The following CAPN14 variants were observed in gnomAD, a reference collection of about 807,000 sequenced individuals.
CAPN14 encodes the protein calpain-14.
Under a neutral mutation model 101.3 loss-of-function variants are expected in CAPN14, and 94 were observed. That is an observed-to-expected ratio of 0.93 (90% CI 0.79 to 1.10). CAPN14 has a LOEUF of 1.10. CAPN14 is among the 50% of genes least tolerant of loss of function. The pLI, the probability that CAPN14 is intolerant of heterozygous loss-of-function variation, is 0.00. For synonymous variants in CAPN14, 338 were observed against 317.9 expected (o/e 1.06, Z -0.67); for missense variants, 837 against 828.4 (o/e 1.01, Z -0.13).
upstream of CAPN14, among the ~76,000 whole-genome samples, chr2:31,221,771 T>C (rs1444469688): frequency 2.0e-5 from 3 of 152,110 alleles, no homozygotes; most frequent in African/African-American, 4.8e-5. Context: ...TGGTGGTAAA[T>C]AAACCATGAC....
chr2:31,178,566 C>A lies in CAPN14; in HGVS notation c.1724G>T (p.Gly575Val), dbSNP rs1324687675. The A allele has an allele frequency of 6.5e-7, 1 of 1,544,184 alleles. No homozygotes were observed. The highest frequency in any genetic ancestry group is 2.5e-5 in the East Asian group (1 of 40,790). ...CCTGAATTCCTGGATGCTCATAGTA[C>A]CTGATGCATTAAGCTGATTAATAGG... ...ILALLDLNAS[G>V]TMSIQEFRDL... Residue 575 changes from glycine (G) to valine (V), a missense_variant, in exon 18 of 22, where the codon GGT becomes GTT. Coordinates refer to ENST00000403897, the MANE Select transcript of CAPN14 (RefSeq NM_001145122.2).
chr2:31,199,621 G>A, intron 6 of CAPN14, 89 bp from the exon 7 acceptor site: 5 of 1,037,562 alleles, frequency 4.8e-6, no homozygotes, highest in Non-Finnish European at 7.2e-6. Context: ...TGGAGCAGGG[G>A]TTTATGGAGA....
chr2:31,176,028 T>C lies in CAPN14; in HGVS notation c.2028+559A>G, dbSNP rs142296723. ...ACATCCTGCTGTGTCTGCAAAGTGA[T>C]ATTAAAGAGGAGGAAATGGGCTTGG... On this transcript the variant is annotated intron_variant, in intron 21 of 21. Coordinates refer to ENST00000403897, the MANE Select transcript of CAPN14 (RefSeq NM_001145122.2). 5.3e-3 allele frequency among the ~76,000 whole-genome samples: 800 copies of C among 152,260 alleles called. 11 individuals carry two copies. Among genetic ancestry groups the C allele is most frequent in the African/African-American group, 0.018 (763 of 41,538 alleles).
At chr2:31,206,295 A>G (rs926620788) in intron 1 of CAPN14, among the ~76,000 whole-genome samples, 3 of 152,138 alleles carry the variant, frequency 2.0e-5, no homozygotes, top group African/African-American at 7.2e-5. Flanking sequence ...AGGCTCCAGC[A>G]CAGGGTGCGT....
Position 31,174,497 on chromosome 2 carries a change from T to C in CAPN14, c.*184A>G. On this transcript the variant is annotated 3_prime_UTR_variant, in exon 22 of 22. Coordinates refer to ENST00000403897, the MANE Select transcript of CAPN14 (RefSeq NM_001145122.2). ...TGTAATCTTTACTTCCTCCCTTCCC[T>C]TTCTGCATGCTGGCCATGCACGGGG... 1 of 629,462 alleles carries C rather than the reference T, an allele frequency of 1.6e-6. No individual in the cohort carries two copies. The highest frequency in any genetic ancestry group is 2.7e-5 in the East Asian group (1 of 36,452). 39.0% of individuals were successfully genotyped at this position (629,462 alleles called of 1,614,324 possible).
At position 31,189,651 on chromosome 2, in the gene CAPN14, G is replaced by A. The variant is rs142654076; in HGVS notation, c.1288-173C>T. The A allele has an allele frequency of 8.6e-4, 600 of 696,826 alleles. 8 individuals are homozygous for A. In the East Asian group the frequency reaches 0.016, roughly 18 times the overall value. 43.2% of individuals were successfully genotyped at this position (696,826 alleles called of 1,614,324 possible). On this transcript the variant is annotated intron_variant, in intron 12 of 21. Transcript: ENST00000403897. ...GAGGAAAGGAAAAACCAGAATATGT[G>A]TGTGGAGGGCTGCACCTTTGCTGGA...
chr2:31,202,869 C>T (rs542353349), intron 3 of CAPN14, among the ~76,000 whole-genome samples: 9 of 152,304 alleles, frequency 5.9e-5, no homozygotes, highest in Non-Finnish European at 1.2e-4. Context: ...GGCATTCCCA[C>T]GCATCCCCAG....
At position 31,232,031 on chromosome 2, in the gene CAPN14, A is replaced by T. The variant is rs556697170; in HGVS notation, c.-177+1760T>A. Among the ~76,000 whole-genome samples, 5 of 152,276 alleles carry T rather than the reference A, an allele frequency of 3.3e-5. No homozygotes were observed. The South Asian group carries it at 8.3e-4, about 25-fold the overall frequency. On this transcript the variant is annotated intron_variant and NMD_transcript_variant, in intron 1 of 21. Transcript: ENST00000398824. ...TGGGGTTCAAGGAGGGAGTCGGGAG[A>T]TCTGAGATGTAACTAAGGAGATTCT...
chr2:31,220,606 C>T (rs1002474448), upstream of CAPN14, among the ~76,000 whole-genome samples: 2 of 152,166 alleles, frequency 1.3e-5, no homozygotes, highest in East Asian at 1.9e-4. Flanking sequence ...AGGCGGATCA[C>T]GAGGTCAGGA....
At chr2:31,206,639 T>C (rs1682114181) in intron 1 of CAPN14, among the ~76,000 whole-genome samples, 1 of 152,156 alleles carries the variant, frequency 6.6e-6, no homozygotes, top group Non-Finnish European at 1.5e-5. Context: ...ACACACATAT[T>C]GTGCCAAATA....
upstream of CAPN14, among the ~76,000 whole-genome samples, chr2:31,220,158 T>A (rs1299918556): frequency 1.3e-5 from 2 of 152,114 alleles, no homozygotes; most frequent in African/African-American, 4.8e-5. Context: ...TCCAAATGAA[T>A]CCCTGATTGT....
At chr2:31,199,449 G>C (rs939211627) in intron 7 of CAPN14, 21 bp downstream of exon 7, 2 of 1,549,650 alleles carry the variant, frequency 1.3e-6, no homozygotes, top group Middle Eastern at 1.7e-4. Context: ...GAGGGAAACC[G>C]AAGGGCCAAC....
At chr2:31,200,326 C>T in intron 6 of CAPN14, 125 bp downstream of exon 6, 1 of 843,282 alleles carries the variant, frequency 1.2e-6, no homozygotes, top group South Asian at 2.0e-5. Flanking sequence ...GTTTGAACAC[C>T]AGGACCTCAG....
chr2:31,201,990 G>A lies in CAPN14; in HGVS notation c.423C>T (p.His141=). 1 of 1,551,668 alleles carries A rather than the reference G, an allele frequency of 6.4e-7. No individual in the cohort carries two copies. Among genetic ancestry groups the A allele is most frequent in the Non-Finnish European group, 8.7e-7 (1 of 1,146,966 alleles). Reference sequence around the variant, plus strand: ...TCACCACAGGAACCCAGTTCCCATAGTGCCAGAACTGGAGGGAGAGAGTGG... The same window carrying A: ...TCACCACAGGAACCCAGTTCCCATAATGCCAGAACTGGAGGGAGAGAGTGG... ...YAGIFRFWFW[H]YGNWVPVVID... Residue 141 remains histidine, a synonymous_variant, in exon 5 of 22, where the codon CAC becomes CAT. Coordinates refer to ENST00000403897, the MANE Select transcript of CAPN14 (RefSeq NM_001145122.2).
chr2:31,174,650 C>T lies in CAPN14; in HGVS notation c.*31G>A, dbSNP rs1214032858. On this transcript the variant is annotated 3_prime_UTR_variant, in exon 22 of 22. Coordinates refer to ENST00000403897, the MANE Select transcript of CAPN14 (RefSeq NM_001145122.2). ...GCTGCTCTTGGGCCACATGCAGAGT[C>T]TTCAGTGAGGGCAGGTGAGACTCAG... 1.2e-5 allele frequency: 19 copies of T among 1,551,204 alleles called. No individual in the cohort carries two copies. The highest frequency in any genetic ancestry group is 1.6e-5 in the Non-Finnish European group (18 of 1,146,862).
chr2:31,184,650 C>G (rs978517603), intron 16 of CAPN14, among the ~76,000 whole-genome samples: 2 of 152,196 alleles, frequency 1.3e-5, no homozygotes, highest in Admixed American at 1.3e-4. Flanking sequence ...TACTTTGCGT[C>G]TATTGATGCT....
chr2:31,192,621 C>T (rs1333788566), intron 10 of CAPN14, among the ~76,000 whole-genome samples: 4 of 152,112 alleles, frequency 2.6e-5, no homozygotes, highest in African/African-American at 7.2e-5. Context: ...GACAGGGTCA[C>T]CAAACCTGTC....
At chr2:31,201,100 T>C (rs1276358242) in intron 5 of CAPN14, among the ~76,000 whole-genome samples, 8 of 146,370 alleles carry the variant, frequency 5.5e-5, no homozygotes, top group Non-Finnish European at 1.2e-4. Context: ...TGCATGTGTG[T>C]GTGTGCATGT....
intron 1 of CAPN14, among the ~76,000 whole-genome samples, chr2:31,217,229 C>T (rs1002485476): frequency 1.3e-5 from 2 of 152,028 alleles, no homozygotes; most frequent in African/African-American, 4.8e-5. Context: ...GAGATTGGGG[C>T]CAAAGGGCTG....
Sources: gnomAD v4.1 joint callset for allele counts (sites outside exome capture counted in the v4.1 genomes callset) on GRCh38, gnomAD v4.1.1 for gene constraint, MANE v1.5 for transcripts, NCBI Gene and HGNC (gene_info 2026-07-23, HGNC 2026-07-21) for gene names.